The following C12orf54 variants were observed in gnomAD, a reference collection of about 807,000 sequenced individuals.
The protein encoded by C12orf54 is chromosome 12 open reading frame 54.
In C12orf54, 24 loss-of-function variants were observed where a neutral mutation model predicts 26.4. The observed-to-expected ratio is 0.91, with a 90% CI of 0.66 to 1.28. The LOEUF is 1.28. Ranked by LOEUF, C12orf54 falls within the 50% of genes most tolerant of loss-of-function variation. The pLI is 0.00. For missense variants in C12orf54, 154 were observed against 150.9 expected (o/e 1.02, Z -0.11); for synonymous variants, 54 against 47.0 (o/e 1.15, Z -0.61).
chr12:48,473,403 GA>G, the C12orf54 span: 1 of 758,550 alleles, frequency 1.3e-6, no homozygotes, highest in South Asian at 1.5e-5. Context: ...TGAGGGAGAA[GA>G]CGATGCCTAA....
the C12orf54 span, among the ~76,000 whole-genome samples, chr12:48,427,598 A>G: frequency 1.3e-5 from 2 of 152,070 alleles, no homozygotes; most frequent in East Asian, 1.9e-4. Context: ...TATAACGGTA[A>G]GTGGCCTTGT....
chr12:48,434,605 A>C, the C12orf54 span, among the ~76,000 whole-genome samples: 7 of 152,344 alleles, frequency 4.6e-5, no homozygotes. Flanking sequence ...GCGGTTCACC[A>C]ATATCCACTG....
intron 5 of C12orf54, 174 bp downstream of exon 5, chr12:48,489,130 CAAG>C: frequency 1.3e-6 from 1 of 770,540 alleles, no homozygotes; most frequent in Non-Finnish European, 2.4e-6. Context: ...GCGGCTAAGG[CAAG>C]AAGATGCCTA....
chr12:48,447,234 G>A, the C12orf54 span, among the ~76,000 whole-genome samples: 1 of 152,006 alleles, frequency 6.6e-6, no homozygotes, highest in Non-Finnish European at 1.5e-5. Context: ...GTGTGTGTGT[G>A]TGTGTGTGTG....
At chr12:48,488,870 T>A in intron 4 of C12orf54, 54 bp from the exon 5 acceptor site, 5 of 1,444,486 alleles carry the variant, frequency 3.5e-6, no homozygotes, top group Non-Finnish European at 9.7e-7. Context: ...AATCCCTCTG[T>A]AATAAAGTGA....
At chr12:48,471,549 T>C in the C12orf54 span, among the ~76,000 whole-genome samples, 1 of 152,234 alleles carries the variant, frequency 6.6e-6, no homozygotes. Flanking sequence ...CTGGTTTCAT[T>C]CTTCTGCATA....
the C12orf54 span, among the ~76,000 whole-genome samples, chr12:48,475,773 G>A: frequency 2.6e-5 from 4 of 152,228 alleles, no homozygotes; most frequent in African/African-American, 9.6e-5. Flanking sequence ...CATCTGATTG[G>A]TGTACCTGAA....
the C12orf54 span, among the ~76,000 whole-genome samples, chr12:48,425,740 A>C: frequency 6.6e-6 from 1 of 151,898 alleles, no homozygotes; most frequent in South Asian, 2.1e-4. Flanking sequence ...GCCAGCATCT[A>C]TTATTTTTTT....
the C12orf54 span, among the ~76,000 whole-genome samples, chr12:48,451,184 C>T: frequency 2.6e-5 from 4 of 151,870 alleles, no homozygotes; most frequent in African/African-American, 4.8e-5. Context: ...TCAACATACA[C>T]AAATCAGTAA....
chr12:48,495,010 C>A, intron 8 of C12orf54, 31 bp downstream of exon 8: 1 of 1,510,664 alleles, frequency 6.6e-7, no homozygotes, highest in Non-Finnish European at 9.1e-7. Flanking sequence ...TTCCCCTGAG[C>A]TCCACCCTGC....
At chr12:48,467,631 AGGATGGGAG>A in the C12orf54 span, among the ~76,000 whole-genome samples, 2 of 152,162 alleles carry the variant, frequency 1.3e-5, no homozygotes, top group East Asian at 3.9e-4. Context: ...TGGTTGCTTC[AGGATGGGAG>A]GGTCAGAATG....
At chr12:48,457,793 C>G in the C12orf54 span, among the ~76,000 whole-genome samples, 1 of 152,180 alleles carries the variant, frequency 6.6e-6, no homozygotes, top group Non-Finnish European at 1.5e-5. Flanking sequence ...CACAATGACA[C>G]TGAAATTGTG....
rs751901632 is a variant in C12orf54 at position 48,483,343 on chromosome 12, C to T, written c.47C>T (p.Thr16Ile). ...CQDQEQKVEM[T>I]SKQQRSTSIE... ...GATCAGGAACAAAAGGTAGAAATGA[C>T]CTCCAAGCAGCAGAGAAGGTAATGG... The change falls in exon 2 of 9, where the codon ACC (threonine) becomes ATC (isoleucine). Residue 16 changes from threonine to isoleucine, a missense_variant. Physicochemically the swap from Thr to Ile is moderately conservative, Grantham distance 89. Transcript: ENST00000548364. The T allele has an allele frequency of 5.5e-5, 88 of 1,613,768 alleles. No homozygotes were observed. Among genetic ancestry groups the T allele is most frequent in the Admixed American group, 5.0e-5 (3 of 59,986 alleles).
At position 48,488,732 on chromosome 12, in the gene C12orf54, G is replaced by A. The variant is rs549983112; in HGVS notation, c.136-192G>A. 3.9e-5 allele frequency among the ~76,000 whole-genome samples: 6 copies of A among 152,262 alleles called. No individual in the cohort carries two copies. In the East Asian group the frequency reaches 5.8e-4, roughly 15 times the overall value. ...TCATTTACCATACAGAGAAATTGCA[G>A]CCCAGAGGTTTCTGTAGAGTGGAAG... is the stretch of plus-strand genomic sequence containing the variant. On this transcript the variant is annotated intron_variant, in intron 4 of 8. Coordinates refer to ENST00000548364, the MANE Select transcript of C12orf54 (RefSeq NM_152319.4).
At chr12:48,455,278 T>C in the C12orf54 span, among the ~76,000 whole-genome samples, 23 of 152,366 alleles carry the variant, frequency 1.5e-4, no homozygotes, top group South Asian at 4.1e-4. Context: ...GCCATGATTT[T>C]ATTCTTTTTG....
the C12orf54 span, among the ~76,000 whole-genome samples, chr12:48,475,637 A>T: frequency 1.1e-4 from 17 of 152,252 alleles, no homozygotes; most frequent in Non-Finnish European, 2.5e-4. Context: ...ACTGGAAGAA[A>T]GGGTATCAGT....
chr12:48,469,588 T>C, the C12orf54 span, among the ~76,000 whole-genome samples: 1 of 152,148 alleles, frequency 6.6e-6, no homozygotes, highest in Non-Finnish European at 1.5e-5. Flanking sequence ...ACATACATCC[T>C]CATCTTATGA....
chr12:48,457,595 G>C, the C12orf54 span, among the ~76,000 whole-genome samples: 4 of 152,084 alleles, frequency 2.6e-5, no homozygotes, highest in African/African-American at 9.7e-5. Flanking sequence ...GCCTCCCAAA[G>C]TTGGATTTGC....
chr12:48,442,254 T>G, the C12orf54 span: 1 of 199,890 alleles, frequency 5.0e-6, no homozygotes, highest in African/African-American at 2.3e-5. Context: ...GCTTTGCTTC[T>G]GCCTGTAGTG....
Sources: gnomAD v4.1 joint callset for allele counts (sites outside exome capture counted in the v4.1 genomes callset) on GRCh38, gnomAD v4.1.1 for gene constraint, MANE v1.5 for transcripts, NCBI Gene and HGNC (gene_info 2026-07-23, HGNC 2026-07-21) for gene names.